LOC128092253: variants seen among roughly 807,000 people sequenced by gnomAD.
chr6:133,977,210 T>C, the LOC128092253 span, among the ~76,000 whole-genome samples: 1 of 152,196 alleles, frequency 6.6e-6, no homozygotes, highest in Non-Finnish European at 1.5e-5. Flanking sequence ...TACTGACTTT[T>C]TATATTGCAT....
the LOC128092253 span, among the ~76,000 whole-genome samples, chr6:133,954,320 G>A: frequency 1.3e-5 from 2 of 152,200 alleles, no homozygotes; most frequent in Admixed American, 1.3e-4. Context: ...AAGGGAGCAG[G>A]TTTGCGTGTG....
the LOC128092253 span, among the ~76,000 whole-genome samples, chr6:133,974,529 G>A: frequency 4.1e-4 from 62 of 152,242 alleles, 1 homozygote; most frequent in African/African-American, 1.4e-3. Context: ...GGGTTTCACC[G>A]TGTTGGTCAG....
At chr6:133,977,309 T>G in the LOC128092253 span, among the ~76,000 whole-genome samples, 6 of 152,228 alleles carry the variant, frequency 3.9e-5, no homozygotes, top group African/African-American at 9.6e-5. Flanking sequence ...ACTTAGTAAC[T>G]TATGAACTAT....
At chr6:133,979,241 A>G in the LOC128092253 span, among the ~76,000 whole-genome samples, 1 of 152,224 alleles carries the variant, frequency 6.6e-6, no homozygotes, top group Non-Finnish European at 1.5e-5. Flanking sequence ...TCAGAAAGAA[A>G]ATAATGAATG....
the LOC128092253 span, among the ~76,000 whole-genome samples, chr6:133,968,456 A>T: frequency 6.6e-6 from 1 of 152,192 alleles, no homozygotes; most frequent in East Asian, 1.9e-4. Context: ...TCCTTTATCC[A>T]CAATAGTATA....
chr6:133,973,677 T>C, the LOC128092253 span, among the ~76,000 whole-genome samples: 1 of 152,210 alleles, frequency 6.6e-6, no homozygotes, highest in South Asian at 2.1e-4. Flanking sequence ...TGTGTTCTTG[T>C]ACACAAAATC....
At chr6:133,961,143 C>A in the LOC128092253 span, among the ~76,000 whole-genome samples, 3 of 152,080 alleles carry the variant, frequency 2.0e-5, no homozygotes, top group African/African-American at 7.2e-5. Context: ...TTATTGCTAT[C>A]GTGAAAGATA....
the LOC128092253 span, among the ~76,000 whole-genome samples, chr6:133,975,133 C>T: frequency 2.0e-5 from 3 of 151,960 alleles, no homozygotes. Flanking sequence ...GGATCAGCTA[C>T]TGATAGTTTG....
At chr6:133,972,444 T>G in the LOC128092253 span, among the ~76,000 whole-genome samples, 1 of 152,252 alleles carries the variant, frequency 6.6e-6, no homozygotes, top group African/African-American at 2.4e-5. Flanking sequence ...TTTTATTTTG[T>G]TGGTAGTGCC....
At chr6:133,964,971 T>A in the LOC128092253 span, among the ~76,000 whole-genome samples, 1 of 152,224 alleles carries the variant, frequency 6.6e-6, no homozygotes, top group Non-Finnish European at 1.5e-5. Flanking sequence ...TGATGAGTTA[T>A]CAGTGCTTCA....
the LOC128092253 span, among the ~76,000 whole-genome samples, chr6:133,968,146 G>A: frequency 1.3e-5 from 2 of 151,660 alleles, no homozygotes; most frequent in East Asian, 1.9e-4. Flanking sequence ...GTGCCACCAC[G>A]CCCAGCTAAT....
the LOC128092253 span, among the ~76,000 whole-genome samples, chr6:133,979,412 G>A: frequency 6.6e-6 from 1 of 152,134 alleles, no homozygotes; most frequent in African/African-American, 2.4e-5. Context: ...GTTAGACATT[G>A]GAACCAGAGT....
At chr6:133,970,110 G>C in the LOC128092253 span, among the ~76,000 whole-genome samples, 4 of 152,144 alleles carry the variant, frequency 2.6e-5, no homozygotes, top group African/African-American at 9.7e-5. Context: ...GCAGTGTTAA[G>C]TATCTGGTTT....
chr6:133,970,096 C>T, the LOC128092253 span, among the ~76,000 whole-genome samples: 1 of 152,194 alleles, frequency 6.6e-6, no homozygotes. Flanking sequence ...GAGCCCACCA[C>T]TTTGCAGTGT....
At chr6:133,974,092 A>G in the LOC128092253 span, among the ~76,000 whole-genome samples, 2 of 151,778 alleles carry the variant, frequency 1.3e-5, no homozygotes, top group Admixed American at 1.3e-4. Context: ...ATGTAAGTGC[A>G]TATGTAGATA....
At chr6:133,973,606 T>C in the LOC128092253 span, among the ~76,000 whole-genome samples, 6 of 152,306 alleles carry the variant, frequency 3.9e-5, no homozygotes, top group Middle Eastern at 3.4e-3. Flanking sequence ...TTTCAATTCA[T>C]TGTAGTTGCT....
the LOC128092253 span, among the ~76,000 whole-genome samples, chr6:133,969,251 CTTTTTTT>C: frequency 4.9e-5 from 6 of 122,606 alleles, no homozygotes; most frequent in Admixed American, 1.7e-4. Context: ...ATAAAATACA[CTTTTTTT>C]TTTTTTTTTT....
chr6:133,970,616 T>C, the LOC128092253 span, among the ~76,000 whole-genome samples: 7 of 145,602 alleles, frequency 4.8e-5, no homozygotes, highest in Non-Finnish European at 1.1e-4. Context: ...TGTTTTTGCT[T>C]TTTTTTTTTT....
At chr6:133,955,474 C>T in the LOC128092253 span, among the ~76,000 whole-genome samples, 1 of 151,994 alleles carries the variant, frequency 6.6e-6, no homozygotes, top group Non-Finnish European at 1.5e-5. Flanking sequence ...ATGTGCATTT[C>T]ATTAATGTGA....
Sources: gnomAD v4.1 joint callset for allele counts (sites outside exome capture counted in the v4.1 genomes callset) on GRCh38, gnomAD v4.1.1 for gene constraint, MANE v1.5 for transcripts.